Variants in DOP1B observed in about 807,000 individuals in gnomAD.
DOP1B encodes the protein DOP1 leucine zipper like protein B.
In DOP1B, 174 loss-of-function variants were observed where a neutral mutation model predicts 233.5. The ratio of observed to expected loss-of-function variants is 0.75; its 90% CI spans 0.66 to 0.85. The LOEUF is 0.85. Ranked by LOEUF, DOP1B falls within the 40% of genes least tolerant of loss-of-function variation. The pLI, the probability that DOP1B is intolerant of heterozygous loss-of-function variation, is 0.00. For synonymous variants in DOP1B, 1,190 were observed against 1,185.6 expected (o/e 1.00, Z -0.08); for missense variants, 2,652 against 2,846.6 (o/e 0.93, Z 1.56).
chr21:36,263,149 G>A (rs1224860996), intron 24 of DOP1B, among the ~76,000 whole-genome samples: 5 of 147,962 alleles, frequency 3.4e-5, no homozygotes, highest in African/African-American at 7.5e-5. Flanking sequence ...CAGGAGAATC[G>A]CTTGAACCTG....
chr21:36,271,849 C>G (rs1436696268), intron 27 of DOP1B, among the ~76,000 whole-genome samples: 2 of 150,230 alleles, frequency 1.3e-5, no homozygotes, highest in African/African-American at 5.0e-5. Context: ...TTTAGCAAAT[C>G]AAGCTGGGAG....
At chr21:36,257,958 TGTAGGTAGGTAGGTAGATGTAG>T (rs1250806441) in intron 23 of DOP1B, among the ~76,000 whole-genome samples, 1 of 93,866 alleles carries the variant, frequency 1.1e-5, no homozygotes, top group African/African-American at 5.2e-5. Flanking sequence ...TGTAGGTAGA[TGTAGGTAGGTAGGTAGATGTAG>T]GTAGGTAGGT....
chr21:36,239,699 T>A, intron 17 of DOP1B, 66 bp from the exon 18 acceptor site: 1 of 1,465,392 alleles, frequency 6.8e-7, no homozygotes, highest in Non-Finnish European at 9.1e-7. Flanking sequence ...ATGCCCAGTG[T>A]CTGCCACGGT....
chr21:36,277,114 T>A lies in DOP1B; in HGVS notation c.5712+14T>A. ...CTCCTGGCAGAGGTAAATACACACC[T>A]GACCTGTCGTCCTTTATGGAAATGA... On this transcript the variant is annotated intron_variant, in intron 28 of 36. Coordinates refer to ENST00000691173, the MANE Select transcript of DOP1B (RefSeq NM_001320714.2). 2 of 1,611,084 alleles carry A rather than the reference T, an allele frequency of 1.2e-6. No individual in the cohort carries two copies. The highest frequency in any genetic ancestry group is 1.7e-6 in the Non-Finnish European group (2 of 1,178,778).
chr21:36,292,015 A>G (rs2067564571), intron 35 of DOP1B, 89 bp from the exon 36 acceptor site: 1 of 1,402,912 alleles, frequency 7.1e-7, no homozygotes, highest in Non-Finnish European at 9.6e-7. Flanking sequence ...AAATAGATAC[A>G]GTATGTGAAT....
At chr21:36,208,139 G>T (rs1471567216) in intron 4 of DOP1B, among the ~76,000 whole-genome samples, 1 of 152,228 alleles carries the variant, frequency 6.6e-6, no homozygotes, top group Non-Finnish European at 1.5e-5. Context: ...CAGACTGAAA[G>T]GAAACACCAC....
chr21:36,260,275 GAAA>G (rs576725988), intron 23 of DOP1B, among the ~76,000 whole-genome samples: 1 of 94,956 alleles, frequency 1.1e-5, no homozygotes, highest in East Asian at 4.1e-4. Flanking sequence ...AGGAAAGAAA[GAAA>G]GAAAGAAAGA....
intron 27 of DOP1B, 37 bp from the exon 28 acceptor site, chr21:36,276,984 T>G: frequency 1.9e-6 from 3 of 1,608,380 alleles, no homozygotes; most frequent in Non-Finnish European, 2.6e-6. Context: ...GACCCATCCA[T>G]CATAGTTAAC....
chr21:36,247,010 G>C (rs2066974350), intron 19 of DOP1B, among the ~76,000 whole-genome samples: 1 of 152,128 alleles, frequency 6.6e-6, no homozygotes, highest in Non-Finnish European at 1.5e-5. Flanking sequence ...CTCCCGAGTA[G>C]CTGGGATTAC....
chr21:36,165,589 C>T (rs758083238), intron 2 of DOP1B, among the ~76,000 whole-genome samples: 1 of 152,028 alleles, frequency 6.6e-6, no homozygotes, highest in Non-Finnish European at 1.5e-5. Flanking sequence ...GTGAGCGGTG[C>T]GAGCGAGCAT....
Position 36,245,307 on chromosome 21 carries a change from C to G in DOP1B, c.3327C>G (p.His1109Gln). 6.2e-7 allele frequency: 1 copy of G among 1,614,116 alleles called. No homozygotes were observed. The highest frequency in any genetic ancestry group is 2.2e-5 in the East Asian group (1 of 44,884). Residue 1109 changes from histidine to glutamine, a missense_variant, in exon 19 of 37, where the codon CAC becomes CAG. Coordinates refer to ENST00000691173, the MANE Select transcript of DOP1B (RefSeq NM_001320714.2). The surrounding 1 kb of genome is among the most constrained non-coding windows in gnomAD (Gnocchi z 5.5). ...TAHGAPDSSE[H>Q]TESADTSSCH... ...ACGGCGCCCCGGACAGCAGCGAGCA[C>G]ACCGAGTCTGCAGATACAAGCTCCT...
chr21:36,288,451 G>T (rs535977574), intron 33 of DOP1B, among the ~76,000 whole-genome samples: 10 of 151,990 alleles, frequency 6.6e-5, no homozygotes, highest in Non-Finnish European at 1.5e-4. Context: ...CCAGCACTTC[G>T]GGAGGCTAAG....
chr21:36,260,882 T>C (rs2067161749), intron 24 of DOP1B, 150 bp downstream of exon 24: 3 of 1,478,308 alleles, frequency 2.0e-6, no homozygotes, highest in Non-Finnish European at 2.7e-6. Context: ...CTTCCCAAGG[T>C]ATTGATCTAT....
intron 33 of DOP1B, among the ~76,000 whole-genome samples, 159 bp from the exon 34 acceptor site, chr21:36,288,597 G>A (rs1490472978): frequency 6.6e-6 from 1 of 152,146 alleles, no homozygotes; most frequent in African/African-American, 2.4e-5. Flanking sequence ...GCTGCAGTGA[G>A]CCATGATTGT....
At chr21:36,247,687 C>T in intron 20 of DOP1B, 59 bp downstream of exon 20, 1 of 1,276,210 alleles carries the variant, frequency 7.8e-7, no homozygotes, top group Non-Finnish European at 1.1e-6. Context: ...TGTCTTTGGG[C>T]TATGACTGTT....
intron 28 of DOP1B, 45 bp downstream of exon 28, chr21:36,277,145 A>G: frequency 6.3e-7 from 1 of 1,592,974 alleles, no homozygotes; most frequent in Non-Finnish European, 8.6e-7. Context: ...AATGAGCGCC[A>G]TCACGAATTG....
chr21:36,193,147 T>C (rs2066252246), intron 2 of DOP1B, among the ~76,000 whole-genome samples: 1 of 152,202 alleles, frequency 6.6e-6, no homozygotes, highest in South Asian at 2.1e-4. Flanking sequence ...GTAATATCTT[T>C]TCCTCATCCA....
chr21:36,163,026 A>AAG (rs1246063834), intron 1 of DOP1B, among the ~76,000 whole-genome samples: 5 of 152,024 alleles, frequency 3.3e-5, no homozygotes, highest in African/African-American at 1.2e-4. Flanking sequence ...AGGAAACAGA[A>AAG]AGGACCTCTG....
intron 2 of DOP1B, among the ~76,000 whole-genome samples, chr21:36,176,457 C>T (rs1377098989): frequency 6.6e-6 from 1 of 152,144 alleles, no homozygotes; most frequent in Non-Finnish European, 1.5e-5. Context: ...CAGCATCTCA[C>T]TTGTAGGGCA....
Sources: gnomAD v4.1 joint callset for allele counts (sites outside exome capture counted in the v4.1 genomes callset) on GRCh38, gnomAD v4.1.1 for gene constraint, Gnocchi (gnomAD v3.1) non-coding constraint, MANE v1.5 for transcripts, NCBI Gene and HGNC (gene_info 2026-07-23, HGNC 2026-07-21) for gene names.